TSNARE1: variants seen among roughly 807,000 people sequenced by gnomAD.
The protein encoded by TSNARE1 is t-SNARE domain-containing protein 1.
Under a neutral mutation model 62.0 loss-of-function variants are expected in TSNARE1, and 49 were observed. The ratio of observed to expected loss-of-function variants is 0.79; its 90% CI spans 0.63 to 1.00. The LOEUF is 1.00. Ranked by LOEUF, TSNARE1 falls within the 50% of genes least tolerant of loss-of-function variation. TSNARE1 has a pLI of 0.00. For synonymous variants in TSNARE1, 328 were observed against 294.4 expected (o/e 1.11, Z -1.17); for missense variants, 755 against 700.1 (o/e 1.08, Z -0.88).
At chr8:142,399,314 A>G (rs985658752) in intron 1 of TSNARE1, among the ~76,000 whole-genome samples, 3 of 152,232 alleles carry the variant, frequency 2.0e-5, no homozygotes, top group Non-Finnish European at 2.9e-5. Context: ...TCACGTCTTC[A>G]GCAAATCCCC....
chr8:142,288,977 G>T (rs1484507779), intron 10 of TSNARE1, among the ~76,000 whole-genome samples: 1 of 152,168 alleles, frequency 6.6e-6, no homozygotes, highest in Admixed American at 6.5e-5. Flanking sequence ...ATGCCGAGAG[G>T]TTCCCACTCC....
chr8:142,221,327 C>G (rs909838527), intron 13 of TSNARE1, among the ~76,000 whole-genome samples: 4 of 152,250 alleles, frequency 2.6e-5, no homozygotes, highest in Non-Finnish European at 5.9e-5. Flanking sequence ...TGTGCACACA[C>G]ACGCAGGCAC....
At chr8:142,355,470 G>A (rs1407428563) in intron 1 of TSNARE1, among the ~76,000 whole-genome samples, 1 of 152,156 alleles carries the variant, frequency 6.6e-6, no homozygotes, top group Non-Finnish European at 1.5e-5. Context: ...GCCACCCTTG[G>A]GGCACCGGCC....
In TSNARE1 at chr8:142,272,933, A is replaced by G. The variant is rs1301044747; in HGVS notation, c.1446+1848T>C. On this transcript the variant is annotated intron_variant, in intron 12 of 13. Transcript: ENST00000524325. ...GGTGGGAGCAGGACATTCTATGCAG[A>G]GGCAACTTCACAGATGCCTCATCCC... 1.6e-5 allele frequency: 16 copies of G among 985,416 alleles called. No homozygotes were observed. In the South Asian group the frequency reaches 7.5e-4, roughly 46 times the overall value. The allele number at this position is 985,416 out of a possible 1,614,324, so 61.0% of individuals were successfully genotyped here.
Position 142,344,108 on chromosome 8 carries a change from G to A in TSNARE1, c.603C>T (p.Asp201=), listed in dbSNP as rs1457371552. ...TGGGGCCATGGGCCGCCTTCCGGAG[G>A]TCGCCCAGCTTGCGCCGCACGACGG... is the stretch of plus-strand genomic sequence containing the variant. ...LRAVVRRKLG[D]LRKAAHGPSP... is the part of the protein sequence containing the mutation. The change falls in exon 4 of 14, where the codon GAC becomes GAT. Residue 201 remains aspartate, a synonymous_variant. Transcript: ENST00000524325. 1 of 1,611,220 alleles carries A rather than the reference G, an allele frequency of 6.2e-7. No homozygotes were observed.
At chr8:142,222,977 C>T (rs1239042001) in intron 13 of TSNARE1, among the ~76,000 whole-genome samples, 26 of 151,372 alleles carry the variant, frequency 1.7e-4, no homozygotes, top group African/African-American at 6.1e-4. Context: ...TTCACTCACT[C>T]ACTCATTCAC....
chr8:142,250,667 G>C (rs1818117958), intron 12 of TSNARE1, among the ~76,000 whole-genome samples: 1 of 152,208 alleles, frequency 6.6e-6, no homozygotes, highest in South Asian at 2.1e-4. Context: ...AGGCGCTGGG[G>C]AGCATGGAGC....
At chr8:142,223,172 A>AT (rs879688669) in intron 13 of TSNARE1, among the ~76,000 whole-genome samples, 4 of 34,394 alleles carry the variant, frequency 1.2e-4, no homozygotes, top group South Asian at 2.1e-3. Context: ...TCACTCACTC[A>AT]AGTATTCACT....
chr8:142,281,238 C>A (rs1260334894), intron 11 of TSNARE1, among the ~76,000 whole-genome samples: 1 of 152,098 alleles, frequency 6.6e-6, no homozygotes, highest in African/African-American at 2.4e-5. Context: ...GCACCAGGGG[C>A]AGCCTGGCTC....
chr8:142,325,507 G>C (rs1830077606), intron 6 of TSNARE1, among the ~76,000 whole-genome samples: 1 of 152,220 alleles, frequency 6.6e-6, no homozygotes, highest in Non-Finnish European at 1.5e-5. Flanking sequence ...GAGGAGGTGA[G>C]AAGTGCGTGG....
intron 9 of TSNARE1, among the ~76,000 whole-genome samples, chr8:142,310,917 T>G (rs1827475437): frequency 6.6e-6 from 1 of 152,242 alleles, no homozygotes; most frequent in Admixed American, 6.5e-5. Context: ...TGGCATGCTC[T>G]CAGCTCACTG....
intron 10 of TSNARE1, among the ~76,000 whole-genome samples, chr8:142,289,783 C>T (rs980962725): frequency 2.0e-5 from 3 of 152,236 alleles, no homozygotes; most frequent in Non-Finnish European, 2.9e-5. Context: ...GATTCTCCTT[C>T]GTCCTGGCCC....
At chr8:142,349,560 AGCC>A (rs1833823487) in intron 2 of TSNARE1, among the ~76,000 whole-genome samples, 1 of 152,200 alleles carries the variant, frequency 6.6e-6, no homozygotes, top group Non-Finnish European at 1.5e-5. Flanking sequence ...AGAAGGGGGA[AGCC>A]AGGGGCCATA....
chr8:142,309,254 T>G (rs11990344), intron 9 of TSNARE1, among the ~76,000 whole-genome samples: 10,481 of 152,232 alleles, frequency 0.069, 1,091 homozygotes, highest in African/African-American at 0.22. Context: ...TACTCTTTTT[T>G]TTCATGCCAT....
intron 1 of TSNARE1, among the ~76,000 whole-genome samples, chr8:142,363,638 CCAGA>C (rs1321636406): frequency 1.3e-5 from 2 of 152,128 alleles, no homozygotes; most frequent in East Asian, 1.9e-4. Flanking sequence ...ACCCTGAGGG[CCAGA>C]CAGACACCAC....
intron 1 of TSNARE1, among the ~76,000 whole-genome samples, chr8:142,357,783 T>C (rs1423964859): frequency 6.6e-6 from 1 of 151,982 alleles, no homozygotes; most frequent in African/African-American, 2.4e-5. Flanking sequence ...GGACAGTTGT[T>C]AAGGAAGAGA....
At chr8:142,231,909 A>G (rs1817132533) in intron 12 of TSNARE1, among the ~76,000 whole-genome samples, 1 of 152,228 alleles carries the variant, frequency 6.6e-6, no homozygotes, top group Admixed American at 6.5e-5. Flanking sequence ...TGTATGTGCC[A>G]TAAGAGTGCA....
intron 11 of TSNARE1, among the ~76,000 whole-genome samples, chr8:142,279,087 G>A (rs956945873): frequency 4.6e-5 from 7 of 152,202 alleles, no homozygotes; most frequent in Admixed American, 1.3e-4. Flanking sequence ...GGGGGAGAGC[G>A]GAGGGAAGCC....
chr8:142,379,087 C>G (rs527607482), intron 1 of TSNARE1, among the ~76,000 whole-genome samples: 2 of 152,332 alleles, frequency 1.3e-5, no homozygotes, highest in East Asian at 3.9e-4. Context: ...AGCAGAGGAC[C>G]AAGCCCGCAG....
Sources: gnomAD v4.1 joint callset for allele counts (sites outside exome capture counted in the v4.1 genomes callset) on GRCh38, gnomAD v4.1.1 for gene constraint, MANE v1.5 for transcripts, NCBI Gene and HGNC (gene_info 2026-07-23, HGNC 2026-07-21) for gene names.